The following ST7 variants were observed in gnomAD, a reference collection of about 807,000 sequenced individuals.
ST7 encodes the protein suppression of tumorigenicity 7, also known as suppressor of tumorigenicity 7 protein.
Under a neutral mutation model 78.7 loss-of-function variants are expected in ST7, and 28 were observed. That is an observed-to-expected ratio of 0.36 (90% confidence interval 0.26 to 0.49). ST7 has a LOEUF of 0.49. Ranked by LOEUF, ST7 falls within the 20% of genes least tolerant of loss-of-function variation. The pLI is 0.99. For missense variants in ST7, 418 were observed against 696.0 expected (o/e 0.60, Z 4.49); for synonymous variants, 247 against 249.6 (o/e 0.99, Z 0.10).
chr7:117,160,768 A>G (rs547157226), intron 9 of ST7, among the ~76,000 whole-genome samples: 1 of 151,996 alleles, frequency 6.6e-6, no homozygotes, highest in African/African-American at 2.4e-5. Flanking sequence ...TGTGACCCCA[A>G]AATTTTATTA....
intron 1 of ST7, among the ~76,000 whole-genome samples, chr7:116,992,283 A>T (rs921808691): frequency 1.3e-5 from 2 of 152,328 alleles, no homozygotes; most frequent in South Asian, 2.1e-4. Flanking sequence ...GAGGTTCTCC[A>T]TGAGAGCCCT....
At chr7:117,062,341 C>T (rs1798403882) in intron 1 of ST7, among the ~76,000 whole-genome samples, 1 of 152,134 alleles carries the variant, frequency 6.6e-6, no homozygotes, top group African/African-American at 2.4e-5. Flanking sequence ...GTAATTTTGC[C>T]AGCAGGTACC....
chr7:117,138,705 GTTACTCAGCTTCTCT>G (rs1248946849), intron 9 of ST7, among the ~76,000 whole-genome samples, 173 bp downstream of exon 9: 1 of 152,140 alleles, frequency 6.6e-6, no homozygotes, highest in Non-Finnish European at 1.5e-5. Context: ...TGTTGGGCAA[GTTACTCAGCTTCTCT>G]TTGCCCTAGT....
At chr7:117,020,717 T>C in intron 1 of ST7, 2 of 1,522,644 alleles carry the variant, frequency 1.3e-6, no homozygotes, top group Non-Finnish European at 1.8e-6. Context: ...CACTTTGCCT[T>C]AGGTCATTAA....
intron 1 of ST7, among the ~76,000 whole-genome samples, chr7:117,094,280 T>C (rs1800858549): frequency 6.6e-6 from 1 of 152,196 alleles, no homozygotes; most frequent in South Asian, 2.1e-4. Flanking sequence ...AGGGCTGCGG[T>C]ACTCTGCATG....
At chr7:117,054,336 G>C (rs1797950543) in intron 1 of ST7, among the ~76,000 whole-genome samples, 1 of 152,212 alleles carries the variant, frequency 6.6e-6, no homozygotes, top group Non-Finnish European at 1.5e-5. Flanking sequence ...TCCATTCTTG[G>C]AATTGTCAAG....
chr7:117,224,277 C>T (rs6942674), intron 15 of ST7, among the ~76,000 whole-genome samples: 17,055 of 152,162 alleles, frequency 0.11, 1,657 homozygotes, highest in East Asian at 0.46. Context: ...TTCATGGCCA[C>T]CTCTAACCAA....
At chr7:117,034,066 C>T (rs1486519712) in intron 1 of ST7, among the ~76,000 whole-genome samples, 1 of 152,104 alleles carries the variant, frequency 6.6e-6, no homozygotes, top group Admixed American at 6.5e-5. Flanking sequence ...CTCAGCATCT[C>T]AAGTAGATAG....
At chr7:117,196,624 C>CTTTTTTTTTTTTTTTT (rs56133709) in intron 12 of ST7, among the ~76,000 whole-genome samples, 2 of 59,504 alleles carry the variant, frequency 3.4e-5, no homozygotes, top group African/African-American at 6.5e-5. Context: ...GATTGTTGGG[C>CTTTTTTTTTTTTTTTT]TTTTTTTTTT....
At chr7:116,969,523 T>C (rs1182283088) in intron 1 of ST7, among the ~76,000 whole-genome samples, 1 of 151,990 alleles carries the variant, frequency 6.6e-6, no homozygotes, top group Non-Finnish European at 1.5e-5. Flanking sequence ...GCAGAGAGAG[T>C]GTTGATCAGG....
chr7:117,112,481 A>G (rs901994544), intron 2 of ST7: 3 of 152,242 alleles, frequency 2.0e-5, no homozygotes, highest in Admixed American at 6.5e-5. Context: ...TAGCAGTTAA[A>G]TCATGAGATT....
intron 1 of ST7, among the ~76,000 whole-genome samples, chr7:116,975,500 C>T (rs905231092): frequency 3.3e-5 from 5 of 152,048 alleles, no homozygotes; most frequent in Non-Finnish European, 5.9e-5. Flanking sequence ...CTCCACCTCC[C>T]GGGTTCAAGC....
In ST7 at chr7:117,131,866, T is replaced by C. The variant is rs760853040; in HGVS notation, c.566-19T>C. On this transcript the variant is annotated intron_variant, in intron 5 of 15. Transcript: ENST00000323984. ...TATATGTATGGATTGACTTGGTGTT[T>C]TCTCTTTTTCTTAAATAGTAATGCA... 1.7e-5 allele frequency: 27 copies of C among 1,607,150 alleles called. No individual in the cohort carries two copies. Among genetic ancestry groups the C allele is most frequent in the Non-Finnish European group, 2.1e-5 (25 of 1,174,864 alleles).
chr7:117,100,426 A>G (rs549337108), intron 2 of ST7, among the ~76,000 whole-genome samples: 1 of 152,306 alleles, frequency 6.6e-6, no homozygotes, highest in East Asian at 1.9e-4. Flanking sequence ...AGTAGCCGAG[A>G]TCGCGCCATT....
chr7:117,163,433 C>T (rs549252829), intron 9 of ST7, among the ~76,000 whole-genome samples: 2 of 152,224 alleles, frequency 1.3e-5, no homozygotes, highest in South Asian at 4.1e-4. Flanking sequence ...GCATTCTCGC[C>T]AGTGTTTGTT....
intron 1 of ST7, among the ~76,000 whole-genome samples, chr7:116,973,448 G>A (rs142627067): frequency 3.9e-5 from 6 of 152,188 alleles, no homozygotes; most frequent in African/African-American, 1.2e-4. Flanking sequence ...GTAAAGATGG[G>A]GTCTCCCCAT....
chr7:117,170,146 G>A (rs1021189294), intron 9 of ST7, among the ~76,000 whole-genome samples: 2 of 152,054 alleles, frequency 1.3e-5, no homozygotes, highest in South Asian at 2.1e-4. Context: ...CAAAGTTACC[G>A]GTGACCTAAC....
At chr7:117,152,864 C>T (rs1304279229) in intron 9 of ST7, among the ~76,000 whole-genome samples, 1 of 152,154 alleles carries the variant, frequency 6.6e-6, no homozygotes, top group Non-Finnish European at 1.5e-5. Context: ...CAGAGTACAA[C>T]ACATGTCTGT....
chr7:117,204,677 C>T (rs1354638988), intron 12 of ST7, among the ~76,000 whole-genome samples: 1 of 152,154 alleles, frequency 6.6e-6, no homozygotes, highest in Non-Finnish European at 1.5e-5. Context: ...TAGCTTTATT[C>T]TCAGAACTCC....
Sources: allele counts gnomAD v4.1 joint callset (sites outside exome capture counted in the v4.1 genomes callset), GRCh38; gene constraint gnomAD v4.1.1; transcripts MANE v1.5; gene names NCBI Gene and HGNC (gene_info 2026-07-23, HGNC 2026-07-21).